UTRN: variants seen among roughly 807,000 people sequenced by gnomAD.
The protein encoded by UTRN is dystrophin-related protein 1.
In UTRN, 283 loss-of-function variants were observed where a neutral mutation model predicts 463.9. The observed-to-expected ratio is 0.61, with a 90% CI of 0.55 to 0.67. The LOEUF is 0.67. UTRN is among the 30% of genes least tolerant of loss of function. UTRN has a pLI of 0.00. For synonymous variants in UTRN, 1,442 were observed against 1,431.5 expected (o/e 1.01, Z -0.17); for missense variants, 3,922 against 4,084.3 (o/e 0.96, Z 1.08).
At chr6:144,747,148 A>G (rs1018410473) in intron 54 of UTRN, among the ~76,000 whole-genome samples, 16 of 152,230 alleles carry the variant, frequency 1.1e-4, no homozygotes, top group African/African-American at 3.9e-4. Flanking sequence ...GATTTGGAAC[A>G]TTTTGAGGTG....
At chr6:144,403,284 T>C in intron 3 of UTRN, 100 bp downstream of exon 3, 1 of 1,004,800 alleles carries the variant, frequency 1.0e-6, no homozygotes, top group Non-Finnish European at 1.5e-6. Context: ...AAATGTCACC[T>C]AGCCGAAGTC....
chr6:144,745,654 G>A (rs1415276517), intron 54 of UTRN, among the ~76,000 whole-genome samples: 3 of 152,170 alleles, frequency 2.0e-5, no homozygotes, highest in Non-Finnish European at 4.4e-5. Context: ...AGATAAAAAC[G>A]TCAGAGGCAG....
At chr6:144,646,541 T>C (rs1488169354) in intron 51 of UTRN, among the ~76,000 whole-genome samples, 1 of 152,184 alleles carries the variant, frequency 6.6e-6, no homozygotes, top group African/African-American at 2.4e-5. Flanking sequence ...ATATGTATTA[T>C]ATTAAGGAAA....
chr6:144,288,756 CTTTTT>C (rs1197688763), intron 1 of UTRN, among the ~76,000 whole-genome samples: 1 of 132,248 alleles, frequency 7.6e-6, no homozygotes, highest in Non-Finnish European at 1.6e-5. Context: ...CTCTCTCTCT[CTTTTT>C]TTTTTTTTTT....
intron 32 of UTRN, among the ~76,000 whole-genome samples, chr6:144,491,554 T>TCC (rs1793079575): frequency 6.6e-6 from 1 of 152,164 alleles, no homozygotes; most frequent in South Asian, 2.1e-4. Flanking sequence ...AAATGATATA[T>TCC]AAGGCCTTAT....
chr6:144,413,929 G>A lies in UTRN; in HGVS notation c.142-7949G>A, dbSNP rs181100092. 9.8e-3 allele frequency among the ~76,000 whole-genome samples: 1,499 copies of A among 152,188 alleles called. 10 individuals are homozygous for A. Among genetic ancestry groups the A allele is most frequent in the Middle Eastern group, 0.017 (5 of 294 alleles). On this transcript the variant is annotated intron_variant, in intron 3 of 74. Coordinates refer to ENST00000367545, the MANE Select transcript of UTRN (RefSeq NM_007124.3). The stretch of plus-strand genomic sequence containing the variant: ...AGCGATTCTTCTGCCTCAGCTTCCT[G>A]AGTAGCTGGGATTACAGGCATGTGC...
At chr6:144,292,917 A>T (rs1804376021) in intron 2 of UTRN, among the ~76,000 whole-genome samples, 1 of 152,210 alleles carries the variant, frequency 6.6e-6, no homozygotes, top group Non-Finnish European at 1.5e-5. Flanking sequence ...ACTGTCTTAA[A>T]ATACACATTT....
chr6:144,298,706 T>A (rs1240441084), intron 2 of UTRN, among the ~76,000 whole-genome samples: 1 of 152,232 alleles, frequency 6.6e-6, no homozygotes, highest in Non-Finnish European at 1.5e-5. Flanking sequence ...GGTGGCTAGT[T>A]ACATTCAGTT....
intron 53 of UTRN, among the ~76,000 whole-genome samples, chr6:144,724,455 C>T (rs1787617212): frequency 6.6e-6 from 1 of 151,862 alleles, no homozygotes; most frequent in Non-Finnish European, 1.5e-5. Flanking sequence ...TCTTGAACTC[C>T]TGACCTTGTG....
intron 50 of UTRN, among the ~76,000 whole-genome samples, chr6:144,559,900 G>A (rs572435425): frequency 6.6e-6 from 1 of 152,290 alleles, no homozygotes; most frequent in East Asian, 1.9e-4. Flanking sequence ...ATGCAACACA[G>A]TCAGGATGAT....
intron 51 of UTRN, among the ~76,000 whole-genome samples, chr6:144,608,083 C>G (rs780376288): frequency 2.0e-5 from 3 of 152,136 alleles, no homozygotes; most frequent in Non-Finnish European, 4.4e-5. Flanking sequence ...TTTGTTCAAA[C>G]TAGATGTTTT....
intron 9 of UTRN, among the ~76,000 whole-genome samples, chr6:144,434,330 G>T (rs1282613001): frequency 2.7e-5 from 4 of 149,022 alleles, no homozygotes; most frequent in African/African-American, 5.0e-5. Flanking sequence ...GAGGGAGACC[G>T]TGGAAAGAGG....
intron 51 of UTRN, chr6:144,660,250 G>A (rs1379856113): frequency 1.7e-5 from 8 of 471,068 alleles, no homozygotes; most frequent in Admixed American, 1.2e-4. Flanking sequence ...TTCAACTTAC[G>A]GGAACTGCTG....
chr6:144,424,956 T>A (rs974932372), intron 6 of UTRN, among the ~76,000 whole-genome samples: 3 of 152,190 alleles, frequency 2.0e-5, no homozygotes, highest in Non-Finnish European at 2.9e-5. Context: ...AGTATATAAT[T>A]ATTAAAATCA....
chr6:144,584,101 C>T (rs749384439), intron 51 of UTRN, among the ~76,000 whole-genome samples: 1 of 152,128 alleles, frequency 6.6e-6, no homozygotes, highest in Non-Finnish European at 1.5e-5. Flanking sequence ...CATAAAACAT[C>T]CCCTATATTC....
chr6:144,638,233 C>T (rs1234308407), intron 51 of UTRN, among the ~76,000 whole-genome samples: 1 of 152,172 alleles, frequency 6.6e-6, no homozygotes, highest in Admixed American at 6.5e-5. Context: ...TTTTGAAGTA[C>T]AGGGGACTTT....
At chr6:144,670,875 C>T (rs1010502198) in intron 51 of UTRN, among the ~76,000 whole-genome samples, 11 of 152,128 alleles carry the variant, frequency 7.2e-5, no homozygotes, top group Admixed American at 6.6e-4. Context: ...TATCCCAGCA[C>T]CATTTGTTGA....
intron 61 of UTRN, 35 bp downstream of exon 61, chr6:144,782,158 A>G (rs1220249561): frequency 1.3e-6 from 2 of 1,502,988 alleles, no homozygotes; most frequent in Non-Finnish European, 1.8e-6. Flanking sequence ...AAATACGATC[A>G]CTGAATGAAA....
intron 2 of UTRN, among the ~76,000 whole-genome samples, chr6:144,366,355 A>T (rs1335784572): frequency 1.3e-5 from 2 of 152,190 alleles, no homozygotes; most frequent in African/African-American, 4.8e-5. Flanking sequence ...CCCAGGTACT[A>T]GGCCTAATAG....
Sources: gnomAD v4.1 joint callset for allele counts (sites outside exome capture counted in the v4.1 genomes callset) on GRCh38, gnomAD v4.1.1 for gene constraint, MANE v1.5 for transcripts, NCBI Gene and HGNC (gene_info 2026-07-23, HGNC 2026-07-21) for gene names.